The following CRB1 variants were observed in gnomAD, a reference collection of about 807,000 sequenced individuals.
CRB1 encodes the protein protein crumbs homolog 1.
Under a neutral mutation model 120.0 loss-of-function variants are expected in CRB1, and 83 were observed. The ratio of observed to expected loss-of-function variants is 0.69; its 90% CI spans 0.58 to 0.83. The LOEUF (loss-of-function observed/expected upper bound fraction) is 0.83. Ranked by LOEUF, CRB1 falls within the 40% of genes least tolerant of loss-of-function variation. The pLI is 0.00. For synonymous variants in CRB1, 625 were observed against 612.5 expected (o/e 1.02, Z -0.30); for missense variants, 1,699 against 1,687.6 (o/e 1.01, Z -0.12).
At position 197,328,586 on chromosome 1, in the gene CRB1, T is replaced by C. The variant is rs761047352; in HGVS notation, c.235T>C (p.Cys79Arg). Residue 79 changes from cysteine (C) to arginine (R), a missense_variant, in exon 2 of 12, where the codon TGT (cysteine) becomes CGT (arginine). Transcript: ENST00000367400. ...NMKDPCFSNP[C>R]QGSATCVNTP... ...GAAAGACCCTTGCTTCTCCAATCCC[T>C]GTCAAGGAAGTGCCACTTGTGTGAA... is the stretch of plus-strand genomic sequence containing the variant. 1.9e-6 allele frequency: 3 copies of C among 1,614,228 alleles called. No individual in the cohort carries two copies. Among genetic ancestry groups the C allele is most frequent in the Admixed American group, 1.7e-5 (1 of 60,026 alleles).
At chr1:197,459,331 G>T (rs560357003) in intron 11 of CRB1, among the ~76,000 whole-genome samples, 10 of 152,180 alleles carry the variant, frequency 6.6e-5, no homozygotes, top group African/African-American at 2.4e-4. Context: ...TGACTAGAAA[G>T]GACCTACTTT....
intron 1 of CRB1, among the ~76,000 whole-genome samples, chr1:197,288,790 G>GA (rs1158445006): frequency 6.6e-6 from 1 of 151,286 alleles, no homozygotes; most frequent in Non-Finnish European, 1.5e-5. Flanking sequence ...AACATAAAGA[G>GA]AAAAAAGGAT....
chr1:197,294,599 A>G (rs1048190884), intron 1 of CRB1, among the ~76,000 whole-genome samples: 7 of 152,128 alleles, frequency 4.6e-5, no homozygotes, highest in African/African-American at 7.2e-5. Context: ...ATAAAGACAC[A>G]TGCACACATA....
At chr1:197,408,569 C>A (rs1259444473) in intron 5 of CRB1, among the ~76,000 whole-genome samples, 2 of 152,084 alleles carry the variant, frequency 1.3e-5, no homozygotes, top group Non-Finnish European at 2.9e-5. Flanking sequence ...CAAAAAATGA[C>A]AAACAGCACT....
chr1:197,274,551 T>C (rs1655096670), intron 1 of CRB1, among the ~76,000 whole-genome samples: 1 of 152,182 alleles, frequency 6.6e-6, no homozygotes, highest in Non-Finnish European at 1.5e-5. Flanking sequence ...TAAAGTATTA[T>C]GCAGAATAAT....
At chr1:197,206,700 A>T in the CRB1 span, among the ~76,000 whole-genome samples, 21 of 151,782 alleles carry the variant, frequency 1.4e-4, no homozygotes, top group Non-Finnish European at 2.7e-4. Flanking sequence ...TGTGCTGATG[A>T]TATATTCTGT....
At chr1:197,410,251 A>G (rs183923582) in intron 5 of CRB1, among the ~76,000 whole-genome samples, 163 of 152,336 alleles carry the variant, frequency 1.1e-3, no homozygotes, top group African/African-American at 3.7e-3. Context: ...TTGTATCTAA[A>G]ATAGTAATGA....
At chr1:197,296,470 A>G (rs1483085865) in intron 1 of CRB1, among the ~76,000 whole-genome samples, 1 of 152,024 alleles carries the variant, frequency 6.6e-6, no homozygotes, top group African/African-American at 2.4e-5. Context: ...TTTCCTTCAT[A>G]TTTTCTTGTA....
chr1:197,400,400 C>G (rs1331664213), intron 5 of CRB1, among the ~76,000 whole-genome samples: 2 of 151,340 alleles, frequency 1.3e-5, no homozygotes, highest in Non-Finnish European at 2.9e-5. Flanking sequence ...CAGCCTGCAG[C>G]CTCGACATCC....
At chr1:197,288,649 A>T (rs530939504) in intron 1 of CRB1, among the ~76,000 whole-genome samples, 16 of 152,064 alleles carry the variant, frequency 1.1e-4, no homozygotes, top group African/African-American at 3.6e-4. Context: ...GAAAGATTCA[A>T]ATCAAACTTA....
chr1:197,448,156 G>A (rs1282583048), intron 11 of CRB1, among the ~76,000 whole-genome samples: 1 of 151,930 alleles, frequency 6.6e-6, no homozygotes, highest in Non-Finnish European at 1.5e-5. Context: ...AGACTGTTGT[G>A]TTATTTCAAG....
rs1024181608 is a variant in CRB1, at chr1:197,428,995, G to A, written c.2677-454G>A. ...TCAGAGGCAGACCAATGTGGGAAGG[G>A]CACTCACTGAGTTGGGATCCAGAGG... On this transcript the variant is annotated intron_variant, in intron 7 of 11. Transcript: ENST00000367400. 5 of 1,529,110 alleles carry A rather than the reference G, an allele frequency of 3.3e-6. No individual in the cohort carries two copies. The African/African-American group carries it at 6.9e-5, about 21-fold the overall frequency. The allele number at this position is 1,529,110 out of a possible 1,614,324, so 94.7% of individuals were successfully genotyped here.
intron 11 of CRB1, among the ~76,000 whole-genome samples, chr1:197,472,925 G>A (rs1667044366): frequency 6.6e-6 from 1 of 152,188 alleles, no homozygotes; most frequent in African/African-American, 2.4e-5. Flanking sequence ...CTTGTCCTGT[G>A]CGTATGTCCT....
rs1667253734 is a variant in CRB1, at chr1:197,477,645, A to G, written c.4006-19A>G. Reference sequence around the variant, plus strand: ...CCTTTGCTATAGAATTCGCATCCCAATGATTTCAATCTTTCCAGTTGGCAG... The same window carrying G: ...CCTTTGCTATAGAATTCGCATCCCAGTGATTTCAATCTTTCCAGTTGGCAG... On this transcript the variant is annotated intron_variant, in intron 11 of 11. Coordinates refer to ENST00000367400, the MANE Select transcript of CRB1 (RefSeq NM_201253.3). 1 of 1,611,116 alleles carries G rather than the reference A, an allele frequency of 6.2e-7. No homozygotes were observed. Among genetic ancestry groups the G allele is most frequent in the Non-Finnish European group, 8.5e-7 (1 of 1,177,438 alleles).
chr1:197,387,986 A>ATC lies in CRB1; in HGVS notation c.1171+30987_1171+30988dup, dbSNP rs200901704. 7.7e-3 allele frequency among the ~76,000 whole-genome samples: 1,166 copies of ATC among 150,994 alleles called. 12 individuals are homozygous for ATC. Among genetic ancestry groups the ATC allele is most frequent in the African/African-American group, 0.02 (841 of 41,232 alleles). ...ATAATTGAAACTGTTGTGTAAACTC[A>ATC]TCTCTCTCTCTCTCTATATATATAT... is the stretch of plus-strand genomic sequence containing the variant. On this transcript the variant is annotated intron_variant, in intron 5 of 11. Coordinates refer to ENST00000367400, the MANE Select transcript of CRB1 (RefSeq NM_201253.3).
the CRB1 span, among the ~76,000 whole-genome samples, chr1:197,237,890 G>A: frequency 6.6e-6 from 1 of 151,720 alleles, no homozygotes; most frequent in Non-Finnish European, 1.5e-5. Context: ...TGATAGCTTT[G>A]TATTTTCTTT....
intron 11 of CRB1, among the ~76,000 whole-genome samples, chr1:197,463,341 A>G (rs1666613233): frequency 6.6e-6 from 1 of 152,152 alleles, no homozygotes; most frequent in East Asian, 1.9e-4. Context: ...TATTGTAGTT[A>G]TTCTCACATG....
the CRB1 span, among the ~76,000 whole-genome samples, chr1:197,234,519 A>G: frequency 1.3e-5 from 2 of 152,272 alleles, no homozygotes; most frequent in Non-Finnish European, 2.9e-5. Flanking sequence ...AACTAGAAAC[A>G]GCAATTTTTA....
intron 9 of CRB1, among the ~76,000 whole-genome samples, chr1:197,437,471 C>A (rs956281973): frequency 3.9e-5 from 6 of 152,020 alleles, no homozygotes; most frequent in African/African-American, 1.4e-4. Flanking sequence ...TTTTTTTCTG[C>A]CTAATTCATT....
Sources: gnomAD v4.1 joint callset for allele counts (sites outside exome capture counted in the v4.1 genomes callset) on GRCh38, gnomAD v4.1.1 for gene constraint, MANE v1.5 for transcripts, NCBI Gene and HGNC (gene_info 2026-07-23, HGNC 2026-07-21) for gene names.